GSE1: variants seen among roughly 807,000 people sequenced by gnomAD.
GSE1 encodes genetic suppressor element 1.
GSE1 carries 32 observed loss-of-function variants against 112.6 expected under a neutral mutation model. That is an observed-to-expected ratio of 0.28 (90% CI 0.21 to 0.38). GSE1 has a LOEUF of 0.38. GSE1 is among the 10% of genes least tolerant of loss of function. The probability of loss-of-function intolerance (pLI) is 1.00; values close to 1 mark genes in which losing one functional copy is unlikely to be tolerated. For missense variants in GSE1, 2,348 were observed against 1,699.2 expected, an observed-to-expected ratio of 1.38 and a Z score of -6.71; for synonymous variants, 1,115 against 735.6, an observed-to-expected ratio of 1.52 and a Z score of -8.35.
chr16:85,529,403 T>A (rs1025398422), intron 2 of GSE1, among the ~76,000 whole-genome samples: 1 of 152,250 alleles, frequency 6.6e-6, no homozygotes, highest in African/African-American at 2.4e-5. Flanking sequence ...TTATTTATTT[T>A]TTTAAGATGT....
At chr16:85,514,357 G>A (rs567886406) in intron 2 of GSE1, among the ~76,000 whole-genome samples, 4 of 146,696 alleles carry the variant, frequency 2.7e-5, no homozygotes, top group Middle Eastern at 3.5e-3. Context: ...TTCCTCCTTC[G>A]TGGGACACCA....
intron 15 of GSE1, among the ~76,000 whole-genome samples, chr16:85,671,461 C>CAAAAAAAAAAAAAAAAA (rs1193691794): frequency 2.6e-5 from 2 of 76,460 alleles, no homozygotes; most frequent in African/African-American, 9.1e-5. Context: ...AAAAAAAGAT[C>CAAAAAAAAAAAAAAAAA]AAAATTTGGA....
intron 2 of GSE1, among the ~76,000 whole-genome samples, chr16:85,505,021 A>ATGC (rs1555523716): frequency 7.9e-5 from 12 of 151,654 alleles, no homozygotes; most frequent in African/African-American, 2.4e-4. Context: ...ACACATGTGC[A>ATGC]CGCACACACA....
At chr16:85,349,634 A>G (rs1021205039) in intron 1 of GSE1, among the ~76,000 whole-genome samples, 1 of 152,070 alleles carries the variant, frequency 6.6e-6, no homozygotes, top group Non-Finnish European at 1.5e-5. Context: ...GCCCTGGGGA[A>G]GGGACTGTCT....
chr16:85,424,364 G>T (rs567221038), intron 2 of GSE1, among the ~76,000 whole-genome samples: 10 of 152,300 alleles, frequency 6.6e-5, no homozygotes, highest in Admixed American at 6.5e-4. Context: ...GGGGCTCATG[G>T]GGAGGCTGGG....
intron 2 of GSE1, among the ~76,000 whole-genome samples, chr16:85,390,879 A>C (rs565535748): frequency 1.3e-5 from 2 of 152,308 alleles, no homozygotes; most frequent in Non-Finnish European, 2.9e-5. Context: ...TTGTGTCTGC[A>C]CTTTGGAGAT....
chr16:85,252,601 C>A (rs889510635), intron 1 of GSE1, among the ~76,000 whole-genome samples: 1 of 152,200 alleles, frequency 6.6e-6, no homozygotes, highest in South Asian at 2.1e-4. Flanking sequence ...GATCCTCCTT[C>A]GGGGGTTTGT....
intron 2 of GSE1, among the ~76,000 whole-genome samples, chr16:85,426,938 G>A (rs2049008090): frequency 1.3e-5 from 2 of 152,184 alleles, no homozygotes; most frequent in Non-Finnish European, 1.5e-5. Context: ...GTGTCCCATA[G>A]ACCTTGGTTT....
intron 1 of GSE1, among the ~76,000 whole-genome samples, chr16:85,614,999 C>T (rs2048281343): frequency 6.6e-6 from 1 of 152,194 alleles, no homozygotes; most frequent in African/African-American, 2.4e-5. Flanking sequence ...GCCCCCTGGT[C>T]GGCCGTCTCG....
intron 2 of GSE1, among the ~76,000 whole-genome samples, chr16:85,380,532 G>A (rs962882845): frequency 6.6e-6 from 1 of 151,986 alleles, no homozygotes; most frequent in African/African-American, 2.4e-5. Context: ...CCGCCACCCT[G>A]GTACCCCCAG....
intron 2 of GSE1, among the ~76,000 whole-genome samples, chr16:85,503,615 T>C (rs575584127): frequency 6.6e-6 from 1 of 152,144 alleles, no homozygotes; most frequent in Non-Finnish European, 1.5e-5. Flanking sequence ...TTATGATCTC[T>C]TGCCTTGTAC....
intron 2 of GSE1, among the ~76,000 whole-genome samples, chr16:85,476,803 G>T (rs1221486011): frequency 6.7e-6 from 1 of 149,698 alleles, no homozygotes; most frequent in Non-Finnish European, 1.5e-5. Flanking sequence ...AGCAGAGACA[G>T]GGTTTCACTG....
At chr16:85,653,031 A>C (rs1343323728) in intron 3 of GSE1, among the ~76,000 whole-genome samples, 2 of 149,976 alleles carry the variant, frequency 1.3e-5, no homozygotes, top group Non-Finnish European at 3.0e-5. Flanking sequence ...GCTCTCAGAC[A>C]CCCCCAGGTC....
chr16:85,477,959 G>A (rs1469526976), intron 2 of GSE1, among the ~76,000 whole-genome samples: 1 of 151,970 alleles, frequency 6.6e-6, no homozygotes, highest in East Asian at 1.9e-4. Flanking sequence ...GAGTCATCAC[G>A]ACCTCATTTC....
intron 1 of GSE1, among the ~76,000 whole-genome samples, chr16:85,191,166 G>A (rs1188219216): frequency 1.3e-5 from 2 of 152,020 alleles, no homozygotes; most frequent in African/African-American, 4.8e-5. Context: ...AGGCTGAGGC[G>A]GGAGAATTGC....
intron 1 of GSE1, among the ~76,000 whole-genome samples, chr16:85,183,150 C>T (rs781427264): frequency 6.6e-6 from 1 of 152,182 alleles, no homozygotes; most frequent in Non-Finnish European, 1.5e-5. Flanking sequence ...CGCACTCATA[C>T]ACCTGCACAG....
intron 2 of GSE1, among the ~76,000 whole-genome samples, chr16:85,399,696 G>C (rs1464011791): frequency 1.3e-5 from 2 of 152,238 alleles, no homozygotes; most frequent in African/African-American, 2.4e-5. Flanking sequence ...GTAGGCGTGG[G>C]GGATGCCGCA....
At chr16:85,540,735 T>C (rs2044488926) in intron 2 of GSE1, among the ~76,000 whole-genome samples, 1 of 152,102 alleles carries the variant, frequency 6.6e-6, no homozygotes, top group African/African-American at 2.4e-5. Context: ...AGCAACATGG[T>C]GAGACCCTGT....
At chr16:85,334,085 C>G (rs919915027) in intron 1 of GSE1, among the ~76,000 whole-genome samples, 4 of 152,230 alleles carry the variant, frequency 2.6e-5, no homozygotes, top group African/African-American at 9.6e-5. Context: ...AGCCACTCCC[C>G]TGCTCCTGCC....
Sources: allele counts gnomAD v4.1 joint callset (sites outside exome capture counted in the v4.1 genomes callset), GRCh38; gene constraint gnomAD v4.1.1; transcripts MANE v1.5; gene names NCBI Gene and HGNC (gene_info 2026-07-23, HGNC 2026-07-21).